The following RGS6 variants were observed in gnomAD, a reference collection of about 807,000 sequenced individuals.
RGS6 encodes the protein regulator of G-protein signaling 6.
A neutral mutation model predicts 78.5 loss-of-function variants in RGS6; 30 were observed. That is an observed-to-expected ratio of 0.38 (90% CI 0.29 to 0.52). The LOEUF is 0.52. Among genes scored for constraint, RGS6 ranks in the 20% least tolerant of loss-of-function variants. The pLI, the probability that RGS6 is intolerant of heterozygous loss-of-function variation, is 0.85. For synonymous variants in RGS6, 206 were observed against 206.0 expected, an observed-to-expected ratio of 1.00 and a Z score of 0.00; for missense variants, 495 against 609.7, an observed-to-expected ratio of 0.81 and a Z score of 1.98.
intron 3 of RGS6, among the ~76,000 whole-genome samples, chr14:72,374,122 G>C (rs1279485681): frequency 1.3e-5 from 2 of 151,756 alleles, no homozygotes; most frequent in Non-Finnish European, 2.9e-5. Flanking sequence ...TAAGTTCTAG[G>C]GTACATGTGC....
At chr14:71,964,536 T>TATTC (rs2093403604) in intron 1 of RGS6, among the ~76,000 whole-genome samples, 1 of 152,284 alleles carries the variant, frequency 6.6e-6, no homozygotes, top group South Asian at 2.1e-4. Context: ...CACTGCTGTA[T>TATTC]ATTCACTCCT....
At chr14:72,410,446 T>G (rs889067577) in intron 3 of RGS6, among the ~76,000 whole-genome samples, 1 of 152,196 alleles carries the variant, frequency 6.6e-6, no homozygotes, top group African/African-American at 2.4e-5. Context: ...TTGTTGGAGT[T>G]CATTGTAGAT....
intron 2 of RGS6, among the ~76,000 whole-genome samples, chr14:72,053,079 C>CCCTTCCTTCCTTCCTTCCTTCCTT (rs1226350902): frequency 3.2e-3 from 54 of 17,000 alleles, no homozygotes; most frequent in Admixed American, 3.5e-3. Flanking sequence ...CTCCCTCCCT[C>CCCTTCCTTCCTTCCTTCCTTCCTT]CCTTCCTTCC....
chr14:72,024,086 G>A (rs958503025), intron 2 of RGS6, among the ~76,000 whole-genome samples: 31 of 26,014 alleles, frequency 1.2e-3, no homozygotes, highest in East Asian at 5.0e-3. Flanking sequence ...ACGAGGACTC[G>A]GTAAATATTT....
chr14:71,939,934 C>G (rs769680235), intron 1 of RGS6, among the ~76,000 whole-genome samples: 2 of 152,212 alleles, frequency 1.3e-5, no homozygotes, highest in Non-Finnish European at 2.9e-5. Context: ...GCTTTCCCCC[C>G]ATAATAGCCG....
chr14:72,462,459 T>A (rs879933936), intron 6 of RGS6, among the ~76,000 whole-genome samples: 1 of 152,096 alleles, frequency 6.6e-6, no homozygotes, highest in Non-Finnish European at 1.5e-5. Context: ...GGTTCATCTA[T>A]AAGATGGGGG....
chr14:72,444,547 C>A (rs1404381083), intron 3 of RGS6, among the ~76,000 whole-genome samples: 3 of 152,188 alleles, frequency 2.0e-5, no homozygotes, highest in African/African-American at 4.8e-5. Context: ...AATAGATGAG[C>A]CCATCCTTTC....
the RGS6 span, among the ~76,000 whole-genome samples, chr14:72,603,053 T>C: frequency 6.6e-6 from 1 of 152,264 alleles, no homozygotes; most frequent in Non-Finnish European, 1.5e-5. Context: ...ATAGTTTTAA[T>C]CTGTGAATGC....
chr14:71,996,074 A>G (rs1240260605), intron 2 of RGS6, among the ~76,000 whole-genome samples: 1 of 152,076 alleles, frequency 6.6e-6, no homozygotes, highest in Non-Finnish European at 1.5e-5. Context: ...ATGCAGGTGT[A>G]TATCCTGCAG....
At chr14:72,560,797 CGTGT>C (rs57504072) in intron 17 of RGS6, among the ~76,000 whole-genome samples, 5,883 of 141,264 alleles carry the variant, frequency 0.042, 246 homozygotes, top group African/African-American at 0.1. Context: ...ATTTTGTGGA[CGTGT>C]GTGTGTGTGT....
At chr14:72,623,135 C>A in the RGS6 span, among the ~76,000 whole-genome samples, 2 of 152,056 alleles carry the variant, frequency 1.3e-5, no homozygotes, top group Non-Finnish European at 2.9e-5. Flanking sequence ...TACATTTAAA[C>A]AAAATGGAAA....
chr14:72,548,809 G>A (rs776310079), intron 17 of RGS6, among the ~76,000 whole-genome samples: 4 of 152,116 alleles, frequency 2.6e-5, no homozygotes, highest in Non-Finnish European at 5.9e-5. Flanking sequence ...AGAACAAATG[G>A]CTAGAAGATA....
chr14:72,221,002 G>A (rs1456292912), intron 2 of RGS6, among the ~76,000 whole-genome samples: 1 of 152,084 alleles, frequency 6.6e-6, no homozygotes, highest in Non-Finnish European at 1.5e-5. Flanking sequence ...TCCTCTGAAG[G>A]ACACAAACCT....
At chr14:72,471,051 C>A (rs1371481424) in intron 8 of RGS6, among the ~76,000 whole-genome samples, 1 of 152,160 alleles carries the variant, frequency 6.6e-6, no homozygotes, top group African/African-American at 2.4e-5. Context: ...TTTCTGCATG[C>A]AGAGAGCAGC....
chr14:72,207,831 T>A (rs2043063665), intron 2 of RGS6, among the ~76,000 whole-genome samples: 1 of 152,224 alleles, frequency 6.6e-6, no homozygotes, highest in African/African-American at 2.4e-5. Flanking sequence ...GCAAGGTTAT[T>A]AAGCTGTCCA....
intron 2 of RGS6, among the ~76,000 whole-genome samples, chr14:72,000,122 G>A (rs36057328): frequency 3.2e-4 from 49 of 152,184 alleles, no homozygotes; most frequent in Non-Finnish European, 5.6e-4. Flanking sequence ...GCAGGGTTGT[G>A]ATACACACAT....
At chr14:72,159,666 G>A (rs963452939) in intron 2 of RGS6, among the ~76,000 whole-genome samples, 1 of 152,168 alleles carries the variant, frequency 6.6e-6, no homozygotes, top group Admixed American at 6.5e-5. Context: ...TTTATGATGT[G>A]TTTCCAGTGC....
the RGS6 span, among the ~76,000 whole-genome samples, chr14:72,594,056 TC>T: frequency 6.6e-6 from 1 of 152,044 alleles, no homozygotes; most frequent in Non-Finnish European, 1.5e-5. Context: ...CATTTCTATC[TC>T]CCCGCAAGCC....
chr14:71,967,873 T>A (rs1314113584), intron 2 of RGS6, among the ~76,000 whole-genome samples: 1 of 152,158 alleles, frequency 6.6e-6, no homozygotes, highest in Admixed American at 6.5e-5. Context: ...TAATGATGGG[T>A]GGGTTTTTAA....
Sources: gnomAD v4.1 joint callset for allele counts (sites outside exome capture counted in the v4.1 genomes callset) on GRCh38, gnomAD v4.1.1 for gene constraint, MANE v1.5 for transcripts, NCBI Gene and HGNC (gene_info 2026-07-23, HGNC 2026-07-21) for gene names.